The following SHROOM2 variants were observed in gnomAD, a reference collection of about 807,000 sequenced individuals.
SHROOM2 encodes the protein protein Shroom2.
In SHROOM2, 33 loss-of-function variants were observed where a neutral mutation model predicts 75.9. The ratio of observed to expected loss-of-function variants is 0.43; its 90% CI spans 0.33 to 0.58. SHROOM2 has a LOEUF of 0.58. Among genes scored for constraint, SHROOM2 ranks in the 20% least tolerant of loss-of-function variants. The pLI, the probability that SHROOM2 is intolerant of heterozygous loss-of-function variation, is 0.04. For synonymous variants in SHROOM2, 655 were observed against 663.6 expected (o/e 0.99, Z 0.20); for missense variants, 1,434 against 1,461.2 (o/e 0.98, Z 0.30).
chrX:9,845,719 C>T (rs779100811), intron 1 of SHROOM2, among the ~76,000 whole-genome samples: 1 of 109,704 alleles, frequency 9.1e-6, no homozygotes. Flanking sequence ...GGTCTCACCC[C>T]GTCTGCTGCA....
chrX:9,855,058 T>C (rs2084060001), intron 1 of SHROOM2, among the ~76,000 whole-genome samples: 3 of 104,410 alleles, frequency 2.9e-5, no homozygotes, highest in Non-Finnish European at 3.9e-5. Flanking sequence ...TATGTGTAAG[T>C]GGTCCACTCT....
chrX:9,882,425 G>A (rs970404496), intron 2 of SHROOM2, among the ~76,000 whole-genome samples: 12 of 111,393 alleles, frequency 1.1e-4, no homozygotes, highest in African/African-American at 3.3e-4. Flanking sequence ...TGAATGAAAT[G>A]ATGATTTGAC....
chrX:9,897,296 C>G (rs1016980184), intron 4 of SHROOM2, among the ~76,000 whole-genome samples: 3 of 111,477 alleles, frequency 2.7e-5, no homozygotes, highest in African/African-American at 9.8e-5. Context: ...TATTTCTTAG[C>G]CCTGCTTCAA....
chrX:9,823,164 T>TCCTCCTCC (rs1339711176), intron 1 of SHROOM2, among the ~76,000 whole-genome samples: 1 of 35,690 alleles, frequency 2.8e-5, no homozygotes, highest in Non-Finnish European at 5.2e-5. Flanking sequence ...TTCTTCTTCT[T>TCCTCCTCC]TTCTTCTTCT....
intron 5 of SHROOM2, among the ~76,000 whole-genome samples, chrX:9,931,005 A>G (rs934280924): frequency 1.7e-4 from 19 of 110,242 alleles, no homozygotes; most frequent in Non-Finnish European, 3.2e-4. Flanking sequence ...GGCCTCCCAA[A>G]GTGCTGGGAT....
chrX:9,806,936 C>G (rs1210765318), intron 1 of SHROOM2, among the ~76,000 whole-genome samples: 1 of 111,910 alleles, frequency 8.9e-6, no homozygotes, highest in African/African-American at 3.3e-5. Context: ...GTTAGCCAGG[C>G]TGTTCTCCAA....
At chrX:9,831,194 G>A (rs969280416) in intron 1 of SHROOM2, among the ~76,000 whole-genome samples, 14 of 112,128 alleles carry the variant, frequency 1.2e-4, no homozygotes, top group African/African-American at 4.2e-4. Flanking sequence ...CGACATTTGG[G>A]GCTTGATGAT....
chrX:9,878,448 T>G (rs1010571539), intron 2 of SHROOM2, among the ~76,000 whole-genome samples: 3 of 112,121 alleles, frequency 2.7e-5, no homozygotes, highest in Non-Finnish European at 5.6e-5. Context: ...TGGTCCTGCA[T>G]TTGAAGAGAA....
chrX:9,944,535 T>C (rs2084799301), intron 8 of SHROOM2, 106 bp from the exon 9 acceptor site: 2 of 823,501 alleles, frequency 2.4e-6, no homozygotes, highest in African/African-American at 4.2e-5. Flanking sequence ...GCAGGTCAGC[T>C]GCACCTTTCA....
chrX:9,828,602 C>G (rs1055086985), intron 1 of SHROOM2, among the ~76,000 whole-genome samples: 2 of 110,962 alleles, frequency 1.8e-5, no homozygotes, highest in South Asian at 3.9e-4. Context: ...GTAGCTGGGA[C>G]TATAGGTGCC....
At chrX:9,860,180 C>A (rs1341853628) in intron 1 of SHROOM2, among the ~76,000 whole-genome samples, 1 of 111,746 alleles carries the variant, frequency 8.9e-6, no homozygotes, top group Admixed American at 9.5e-5. Context: ...GCTGCTGAGT[C>A]CCCTGCAATA....
chrX:9,800,587 C>T (rs866051909), intron 1 of SHROOM2, among the ~76,000 whole-genome samples: 34 of 108,787 alleles, frequency 3.1e-4, no homozygotes, highest in Middle Eastern at 5.1e-3. Flanking sequence ...GTGATCCACC[C>T]GCCTCAGCCT....
chrX:9,883,286 C>T (rs1272179347), intron 2 of SHROOM2, among the ~76,000 whole-genome samples: 2 of 111,940 alleles, frequency 1.8e-5, no homozygotes, highest in African/African-American at 6.5e-5. Flanking sequence ...GTAGCTGAGC[C>T]AGTTTTGAGA....
chrX:9,891,955 G>A (rs2147013280), intron 3 of SHROOM2, among the ~76,000 whole-genome samples: 1 of 110,455 alleles, frequency 9.1e-6, no homozygotes, highest in South Asian at 4.0e-4. Context: ...CTCAGTTTTT[G>A]GCTGTTAATA....
chrX:9,875,586 C>T (rs765408175), intron 2 of SHROOM2, among the ~76,000 whole-genome samples: 3 of 112,098 alleles, frequency 2.7e-5, no homozygotes, highest in African/African-American at 9.7e-5. Context: ...CCAGCTTAGT[C>T]AGCATAGCTG....
chrX:9,872,688 G>A (rs757591809), intron 1 of SHROOM2, among the ~76,000 whole-genome samples: 8 of 112,081 alleles, frequency 7.1e-5, no homozygotes, highest in Non-Finnish European at 7.5e-5. Flanking sequence ...TAACATACAC[G>A]GCATGGTATA....
chrX:9,922,158 A>T (rs1424430409), intron 5 of SHROOM2, among the ~76,000 whole-genome samples: 1 of 111,332 alleles, frequency 9.0e-6, no homozygotes, highest in Non-Finnish European at 1.9e-5. Context: ...GATTCAAGTG[A>T]TCCTCCTGCC....
At chrX:9,910,947 G>A (rs2084421016) in intron 5 of SHROOM2, among the ~76,000 whole-genome samples, 1 of 110,819 alleles carries the variant, frequency 9.0e-6, no homozygotes, top group African/African-American at 3.3e-5. Context: ...CCTCCCAAAA[G>A]TGCTGGGGTT....
chrX:9,803,983 C>T (rs1170290949), intron 1 of SHROOM2, among the ~76,000 whole-genome samples: 2 of 111,470 alleles, frequency 1.8e-5, no homozygotes, highest in Non-Finnish European at 3.8e-5. Context: ...TTTTAACGGT[C>T]CTAATCTGTG....
Sources: allele counts gnomAD v4.1 joint callset (sites outside exome capture counted in the v4.1 genomes callset), GRCh38; gene constraint gnomAD v4.1.1; transcripts MANE v1.5; gene names NCBI Gene and HGNC (gene_info 2026-07-23, HGNC 2026-07-21).